The following VGLL4 variants were observed in gnomAD, a reference collection of about 807,000 sequenced individuals.
VGLL4 encodes the protein transcription cofactor vestigial-like protein 4.
In VGLL4, 7 loss-of-function variants were observed where a neutral mutation model predicts 21.0. The observed-to-expected ratio is 0.33, with a 90% CI of 0.19 to 0.63. VGLL4 has a LOEUF of 0.63. Ranked by LOEUF, VGLL4 falls within the 20% of genes least tolerant of loss-of-function variation. The pLI is 0.78. For missense variants in VGLL4, 394 were observed against 425.7 expected, an observed-to-expected ratio of 0.93 and a Z score of 0.66; for synonymous variants, 222 against 173.2, an observed-to-expected ratio of 1.28 and a Z score of -2.21.
intron 1 of VGLL4, chr3:11,612,070 G>A (rs1342553623): frequency 6.6e-6 from 1 of 151,990 alleles, no homozygotes; most frequent in Non-Finnish European, 1.5e-5. Flanking sequence ...GAATGCCAAA[G>A]AAATTATGTC....
chr3:11,557,443 A>C lies in VGLL4; in HGVS notation c.*1113T>G, dbSNP rs1471309499. 6.5e-6 allele frequency: 1 copy of C among 152,684 alleles called. No homozygotes were observed. The highest frequency in any genetic ancestry group is 1.5e-5 in the Non-Finnish European group (1 of 68,046). The allele number at this position is 152,684 out of a possible 1,614,324, so 9.5% of individuals were successfully genotyped here. On this transcript the variant is annotated 3_prime_UTR_variant, in exon 5 of 5. Coordinates refer to ENST00000430365, the MANE Select transcript of VGLL4 (RefSeq NM_001128219.3). ...CACCTCCCCTGGGAGCTTGTAACAA[A>C]GCAGACAGGGATGCAAAAATAAATG...
chr3:11,707,279 A>C lies in VGLL4; in HGVS notation c.-13-4232T>G, dbSNP rs139955758. Among the ~76,000 whole-genome samples, 89 of 143,276 alleles carry C rather than the reference A, an allele frequency of 6.2e-4. No individual in the cohort carries two copies. The East Asian group carries it at 0.014, about 23-fold the overall frequency. 94.0% of individuals were successfully genotyped at this position (143,276 alleles called of 152,430 possible). A position where few individuals can be genotyped will look rare whatever the true frequency, so the allele number is the denominator to read the frequency against. On this transcript the variant is annotated intron_variant, in intron 1 of 5. Coordinates refer to the VGLL4 transcript ENST00000273038. ...GAGGGTTGAGGCTGCAGTGAGCCGT[A>C]ATTGCACCACTGCACTCCAGCCTGG... is the stretch of plus-strand genomic sequence containing the variant.
chr3:11,681,254 C>T (rs904585710), intron 2 of VGLL4, among the ~76,000 whole-genome samples: 1 of 152,100 alleles, frequency 6.6e-6, no homozygotes, highest in Non-Finnish European at 1.5e-5. Flanking sequence ...CCCGCCACCA[C>T]GCCCGGCTAA....
intron 2 of VGLL4, among the ~76,000 whole-genome samples, chr3:11,571,593 G>T (rs1002276744): frequency 7.2e-5 from 11 of 152,228 alleles, no homozygotes; most frequent in African/African-American, 2.4e-4. Context: ...CTGGAGCCCA[G>T]TAAGTTAAGG....
At chr3:11,683,706 A>C (rs1403335583) in intron 2 of VGLL4, among the ~76,000 whole-genome samples, 1 of 152,012 alleles carries the variant, frequency 6.6e-6, no homozygotes. Flanking sequence ...AGACAGGAGA[A>C]TTGCTTCAAC....
chr3:11,645,175 G>A (rs563869613), upstream of VGLL4, among the ~76,000 whole-genome samples: 2 of 132,398 alleles, frequency 1.5e-5, no homozygotes, highest in East Asian at 4.4e-4. Context: ...CATCAAGAAC[G>A]TGTTAACAAA....
chr3:11,610,662 T>C (rs1189463041), intron 1 of VGLL4: 1 of 152,184 alleles, frequency 6.6e-6, no homozygotes, highest in Non-Finnish European at 1.5e-5. Context: ...AAAGATGAGA[T>C]TGTGTTGAGA....
intron 2 of VGLL4, among the ~76,000 whole-genome samples, chr3:11,682,779 A>T (rs1287300378): frequency 6.6e-6 from 1 of 152,026 alleles, no homozygotes; most frequent in African/African-American, 2.4e-5. Flanking sequence ...ATAGAAGCCA[A>T]ATGTCAGGAA....
chr3:11,664,769 A>G (rs536996873), intron 2 of VGLL4, among the ~76,000 whole-genome samples: 2 of 152,360 alleles, frequency 1.3e-5, no homozygotes, highest in African/African-American at 4.8e-5. Flanking sequence ...GGGACACATA[A>G]GAGCTATAGT....
At position 11,568,506 on chromosome 3, in the gene VGLL4, G is replaced by C. The variant is rs1334538013; in HGVS notation, c.273-3487C>G. 3 of 1,478,248 alleles carry C rather than the reference G, an allele frequency of 2.0e-6. No homozygotes were observed. In the African/African-American group the frequency reaches 4.2e-5, roughly 21 times the overall value. 91.6% of individuals were successfully genotyped at this position (1,478,248 alleles called of 1,614,324 possible). The stretch of plus-strand genomic sequence containing the variant: ...CTGGAAAGACAGTCCGTGGAACACA[G>C]CACAGTGGGCACTATGGGTCAGACA... On this transcript the variant is annotated intron_variant, in intron 2 of 4. Coordinates refer to ENST00000430365, the MANE Select transcript of VGLL4 (RefSeq NM_001128219.3). The surrounding 1 kb of genome is among the most constrained non-coding windows in gnomAD (Gnocchi z 5.9).
chr3:11,679,069 A>C (rs2076335432), intron 2 of VGLL4, among the ~76,000 whole-genome samples: 1 of 152,272 alleles, frequency 6.6e-6, no homozygotes, highest in South Asian at 2.1e-4. Context: ...TGACCCTGTT[A>C]TTGGTTTATG....
chr3:11,582,944 C>A (rs528099135), intron 2 of VGLL4, among the ~76,000 whole-genome samples: 1 of 152,330 alleles, frequency 6.6e-6, no homozygotes, highest in South Asian at 2.1e-4. Flanking sequence ...ACTCCAGGCA[C>A]TGGAGAAGCA....
intron 2 of VGLL4, among the ~76,000 whole-genome samples, chr3:11,664,023 G>A (rs997197018): frequency 5.9e-5 from 9 of 152,036 alleles, no homozygotes; most frequent in African/African-American, 1.7e-4. Flanking sequence ...AGTCCAAGGC[G>A]GGAGGATCAC....
intron 1 of VGLL4, among the ~76,000 whole-genome samples, chr3:11,625,222 G>A (rs551682443): frequency 7.2e-5 from 11 of 152,312 alleles, no homozygotes; most frequent in African/African-American, 2.6e-4. Flanking sequence ...ATAACTAGAT[G>A]TTAGCATCTG....
intron 2 of VGLL4, among the ~76,000 whole-genome samples, chr3:11,584,353 C>CA (rs957911464): frequency 1.3e-5 from 2 of 149,636 alleles, no homozygotes; most frequent in Non-Finnish European, 3.0e-5. Context: ...AACAAACAAA[C>CA]AAAAAAACAC....
At chr3:11,593,042 T>A (rs2074539743) in intron 2 of VGLL4, among the ~76,000 whole-genome samples, 1 of 152,188 alleles carries the variant, frequency 6.6e-6, no homozygotes, top group African/African-American at 2.4e-5. Context: ...GTTTTGCCTA[T>A]AAATACACAT....
chr3:11,603,681 C>G (rs1355321773), intron 1 of VGLL4, among the ~76,000 whole-genome samples: 2 of 152,090 alleles, frequency 1.3e-5, no homozygotes, highest in Non-Finnish European at 2.9e-5. Flanking sequence ...ACCAGCTGAC[C>G]CTCCTCTCCA....
chr3:11,632,577 A>C (rs2125318017), intron 1 of VGLL4, among the ~76,000 whole-genome samples: 1 of 152,334 alleles, frequency 6.6e-6, no homozygotes, highest in African/African-American at 2.4e-5. Flanking sequence ...AATGTACTTT[A>C]AAATCCTTCA....
chr3:11,672,504 T>A (rs1003735954), intron 2 of VGLL4, among the ~76,000 whole-genome samples: 2 of 152,236 alleles, frequency 1.3e-5, no homozygotes, highest in Admixed American at 6.5e-5. Context: ...CCCATGAGTC[T>A]TCCAGCACAG....
Sources: allele counts gnomAD v4.1 joint callset (sites outside exome capture counted in the v4.1 genomes callset), GRCh38; gene constraint gnomAD v4.1.1; non-coding constraint Gnocchi (gnomAD v3.1); transcripts MANE v1.5; gene names NCBI Gene and HGNC (gene_info 2026-07-23, HGNC 2026-07-21).